PLCG2: variants seen among roughly 807,000 people sequenced by gnomAD.
PLCG2 encodes the protein 1-phosphatidylinositol 4,5-bisphosphate phosphodiesterase gamma-2.
In PLCG2, 69 loss-of-function variants were observed where a neutral mutation model predicts 175.6. The ratio of observed to expected loss-of-function variants is 0.39; its 90% CI spans 0.32 to 0.48. The LOEUF (loss-of-function observed/expected upper bound fraction) is 0.48. Ranked by LOEUF, PLCG2 falls within the 20% of genes least tolerant of loss-of-function variation. PLCG2 has a pLI of 0.91. For synonymous variants in PLCG2, 827 were observed against 624.0 expected (o/e 1.33, Z -4.85); for missense variants, 1,798 against 1,650.9 (o/e 1.09, Z -1.54).
chr16:81,868,560 T>G (rs1024920860), intron 5 of PLCG2, among the ~76,000 whole-genome samples: 6 of 152,206 alleles, frequency 3.9e-5, no homozygotes, highest in Admixed American at 3.3e-4. Flanking sequence ...TCCATTCATG[T>G]GTGTCGCTAA....
intron 30 of PLCG2, among the ~76,000 whole-genome samples, chr16:81,942,442 C>G (rs540207874): frequency 6.6e-6 from 1 of 152,182 alleles, no homozygotes; most frequent in South Asian, 2.1e-4. Flanking sequence ...CCTAGCAGTG[C>G]CTGGCACATC....
chr16:81,781,972 C>G (rs1010650615), intron 1 of PLCG2, among the ~76,000 whole-genome samples: 1 of 151,794 alleles, frequency 6.6e-6, no homozygotes, highest in African/African-American at 2.4e-5. Flanking sequence ...CCCGGGTTCA[C>G]GCCTTTCTCC....
chr16:81,846,614 C>A (rs1040010865), intron 2 of PLCG2, among the ~76,000 whole-genome samples: 1 of 152,196 alleles, frequency 6.6e-6, no homozygotes, highest in African/African-American at 2.4e-5. Context: ...GAACATCGGG[C>A]TTATGGCTAA....
upstream of PLCG2, among the ~76,000 whole-genome samples, chr16:81,778,514 C>A (rs991373300): frequency 1.3e-5 from 2 of 152,218 alleles, no homozygotes; most frequent in Admixed American, 6.5e-5. Context: ...CAGATAGCTT[C>A]ATGCAACACA....
chr16:81,772,010 T>C (rs776978758), intron 2 of PLCG2, among the ~76,000 whole-genome samples: 5 of 152,146 alleles, frequency 3.3e-5, no homozygotes, highest in Non-Finnish European at 7.4e-5. Flanking sequence ...CTTAAACTCC[T>C]GGCCTTAAGT....
At chr16:81,745,706 G>A (rs1330705550) in intron 1 of PLCG2, among the ~76,000 whole-genome samples, 1 of 152,202 alleles carries the variant, frequency 6.6e-6, no homozygotes, top group South Asian at 2.1e-4. Context: ...CCAATGTTTC[G>A]CATTTTCCCT....
intron 19 of PLCG2, among the ~76,000 whole-genome samples, chr16:81,917,612 T>C (rs1909896244): frequency 6.6e-6 from 1 of 152,262 alleles, no homozygotes; most frequent in Non-Finnish European, 1.5e-5. Context: ...ATAGTGGTTT[T>C]AATTTGCATT....
chr16:81,916,535 G>T (rs540258792), intron 19 of PLCG2, among the ~76,000 whole-genome samples: 2 of 151,940 alleles, frequency 1.3e-5, no homozygotes, highest in Non-Finnish European at 2.9e-5. Flanking sequence ...TGTATACATG[G>T]TGAAATGGCT....
chr16:81,847,068 G>A (rs1375419303), intron 2 of PLCG2, among the ~76,000 whole-genome samples: 1 of 152,198 alleles, frequency 6.6e-6, no homozygotes, highest in Non-Finnish European at 1.5e-5. Context: ...AGCCCAAGTT[G>A]TGGCCTATGC....
intron 2 of PLCG2, among the ~76,000 whole-genome samples, chr16:81,774,208 G>C (rs1217368241): frequency 1.6e-5 from 2 of 122,094 alleles, no homozygotes; most frequent in East Asian, 5.1e-4. Flanking sequence ...AAAAAAGCCA[G>C]GCGTGGTGAT....
At chr16:81,875,559 G>A (rs1907740430) in intron 7 of PLCG2, among the ~76,000 whole-genome samples, 1 of 152,194 alleles carries the variant, frequency 6.6e-6, no homozygotes, top group Non-Finnish European at 1.5e-5. Flanking sequence ...GCTGACTTCA[G>A]CCATTATCAC....
chr16:81,798,414 C>G (rs1410802496), intron 2 of PLCG2: 1 of 152,298 alleles, frequency 6.6e-6, no homozygotes, highest in Non-Finnish European at 1.5e-5. Flanking sequence ...GTTAAGTGCT[C>G]TTGGACCTGA....
chr16:81,891,635 CGT>C, intron 11 of PLCG2, 45 bp downstream of exon 11: 1 of 1,130,710 alleles, frequency 8.8e-7, no homozygotes, highest in South Asian at 1.2e-5. Flanking sequence ...GCACAGAGCA[CGT>C]GAGGGTTGAG....
intron 2 of PLCG2, among the ~76,000 whole-genome samples, chr16:81,839,692 G>T (rs1905718564): frequency 6.6e-6 from 1 of 151,984 alleles, no homozygotes; most frequent in African/African-American, 2.4e-5. Context: ...ACAAAGGGTG[G>T]GCACCATTTA....
intron 10 of PLCG2, among the ~76,000 whole-genome samples, chr16:81,889,561 A>C (rs140086442): frequency 1.7e-3 from 253 of 151,884 alleles, no homozygotes; most frequent in African/African-American, 5.3e-3. Context: ...ACTCACTTAG[A>C]GCCAGCTGAA....
At chr16:81,865,566 T>A (rs1413412851) in intron 5 of PLCG2, among the ~76,000 whole-genome samples, 2 of 152,214 alleles carry the variant, frequency 1.3e-5, no homozygotes, top group African/African-American at 4.8e-5. Context: ...CTTGAGCAGC[T>A]GCTCTGGCAC....
At chr16:81,814,725 A>T (rs1218397940) in intron 2 of PLCG2, among the ~76,000 whole-genome samples, 4 of 152,042 alleles carry the variant, frequency 2.6e-5, no homozygotes, top group Admixed American at 1.3e-4. Flanking sequence ...CCTGGGGGAC[A>T]TGAAGCACAG....
At chr16:81,936,702 T>G (rs369565626) in intron 27 of PLCG2, among the ~76,000 whole-genome samples, 89 of 152,328 alleles carry the variant, frequency 5.8e-4, no homozygotes, top group Admixed American at 1.2e-3. Context: ...GGCCTGTTGC[T>G]GTGTGAGGGC....
intron 12 of PLCG2, among the ~76,000 whole-genome samples, 160 bp downstream of exon 12, chr16:81,893,954 TTTC>T (rs752622794): frequency 0.011 from 1,633 of 150,758 alleles, 14 homozygotes; most frequent in Non-Finnish European, 0.016. Context: ...TGTTTTCTTT[TTTC>T]TTTCTTTTTT....
Sources: gnomAD v4.1 joint callset for allele counts (sites outside exome capture counted in the v4.1 genomes callset) on GRCh38, gnomAD v4.1.1 for gene constraint, MANE v1.5 for transcripts, NCBI Gene and HGNC (gene_info 2026-07-23, HGNC 2026-07-21) for gene names.